The following MON2 variants were observed in gnomAD, a reference collection of about 807,000 sequenced individuals.
The protein encoded by MON2 is protein MON2 homolog.
Under a neutral mutation model 208.6 loss-of-function variants are expected in MON2, and 84 were observed. That is an observed-to-expected ratio of 0.40 (90% confidence interval 0.34 to 0.48). MON2 has a LOEUF of 0.48. MON2 is among the 20% of genes least tolerant of loss of function. MON2 has a pLI of 0.59. For missense variants in MON2, 1,611 were observed against 2,015.4 expected (o/e 0.80, Z 3.84); for synonymous variants, 660 against 694.0 (o/e 0.95, Z 0.77).
rs1295156061 is a variant in MON2, at chr12:62,595,476, C to G, written c.*2727C>G. The G allele has an allele frequency of 6.6e-6, 1 of 152,200 alleles. No individual in the cohort carries two copies. The highest frequency in any genetic ancestry group is 1.5e-5 in the Non-Finnish European group (1 of 68,050). 9.4% of individuals were successfully genotyped at this position (152,200 alleles called of 1,614,324 possible). Reference sequence around the variant, plus strand: ...ATGAGTTTTAAGCCTCACATCGTCACTTGCTGTCACTGCCAGTGCCTGTTT... The same window carrying G: ...ATGAGTTTTAAGCCTCACATCGTCAGTTGCTGTCACTGCCAGTGCCTGTTT... On this transcript the variant is annotated 3_prime_UTR_variant, in exon 35 of 35. Transcript: ENST00000393630.
intron 25 of MON2, among the ~76,000 whole-genome samples, chr12:62,558,178 A>C (rs970894274): frequency 2.0e-5 from 3 of 151,038 alleles, no homozygotes; most frequent in African/African-American, 4.9e-5. Flanking sequence ...GGATTTCTTC[A>C]TGTTGGTCAG....
At chr12:62,557,960 ATATTTTTTTTTTTTTT>A (rs1304320913) in intron 25 of MON2, among the ~76,000 whole-genome samples, 3 of 24,480 alleles carry the variant, frequency 1.2e-4, no homozygotes, top group East Asian at 3.1e-3. Context: ...ATATATATAT[ATATTTTTTTTTTTTTT>A]TTTTTTTTTT....
intron 22 of MON2, 26 bp from the exon 23 acceptor site, chr12:62,549,642 T>C: frequency 6.4e-7 from 1 of 1,560,968 alleles, no homozygotes; most frequent in Non-Finnish European, 8.6e-7. Flanking sequence ...AATAAGTGCA[T>C]CTGTATACAT....
At chr12:62,514,921 A>C (rs972573362) in intron 8 of MON2, among the ~76,000 whole-genome samples, 1 of 152,236 alleles carries the variant, frequency 6.6e-6, no homozygotes, top group Admixed American at 6.5e-5. Flanking sequence ...GCAGAGCAAA[A>C]CTGTAATGAG....
intron 26 of MON2, 67 bp downstream of exon 26, chr12:62,561,180 A>G: frequency 2.3e-6 from 3 of 1,320,682 alleles, no homozygotes; most frequent in African/African-American, 1.5e-5. Context: ...ATTTTGCTAT[A>G]TATTTGCGGG....
chr12:62,497,693 C>T (rs2070600014), intron 4 of MON2, among the ~76,000 whole-genome samples: 1 of 152,078 alleles, frequency 6.6e-6, no homozygotes, highest in South Asian at 2.1e-4. Context: ...TGGCTCACTG[C>T]AACCTTCCAC....
At position 62,571,400 on chromosome 12, in the gene MON2, G is replaced by A. The variant is rs1453764853; in HGVS notation, c.4332G>A (p.Arg1444=). ...KVLQNIIKTL[R]VPLSLKYSCP... Reference sequence around the variant, plus strand: ...ACTGTCTTTATTTTCAGACTCTTAGGGTTCCTCTCAGTTTGAAGTATTCCT... The same window carrying A: ...ACTGTCTTTATTTTCAGACTCTTAGAGTTCCTCTCAGTTTGAAGTATTCCT... Residue 1444 remains arginine, a synonymous_variant, in exon 30 of 35, where the codon AGG becomes AGA. Transcript: ENST00000393630. 6.3e-7 allele frequency: 1 copy of A among 1,599,166 alleles called. No homozygotes were observed. Among genetic ancestry groups the A allele is most frequent in the Non-Finnish European group, 8.5e-7 (1 of 1,170,480 alleles).
chr12:62,550,239 G>A (rs965514549), intron 23 of MON2, among the ~76,000 whole-genome samples: 1 of 152,080 alleles, frequency 6.6e-6, no homozygotes. Context: ...CAAGTACAAG[G>A]CTGTTTCAGG....
Position 62,521,153 on chromosome 12 carries a change from C to T in MON2, c.985-3362C>T, listed in dbSNP as rs111768475. On this transcript the variant is annotated intron_variant, in intron 8 of 34. Coordinates refer to ENST00000393630, the MANE Select transcript of MON2 (RefSeq NM_015026.3). ...CCCAAGTAGCTGGGATTACAGGTGC[C>T]TGCCACTATGCCTGGCTAATTTTAA... 5.9e-5 allele frequency among the ~76,000 whole-genome samples: 9 copies of T among 151,908 alleles called. 1 individual carries two copies. The highest frequency in any genetic ancestry group is 1.7e-4 in the African/African-American group (7 of 41,402).
intron 14 of MON2, 30 bp from the exon 15 acceptor site, chr12:62,537,121 T>C: frequency 7.6e-7 from 1 of 1,309,836 alleles, no homozygotes. Context: ...AAATATATTT[T>C]AATTATTTAG....
chr12:62,468,994 G>T (rs1044953531), intron 1 of MON2, among the ~76,000 whole-genome samples: 1 of 152,062 alleles, frequency 6.6e-6, no homozygotes, highest in Non-Finnish European at 1.5e-5. Context: ...TGTGGCCCAG[G>T]CTGGAGTGCA....
chr12:62,483,078 T>G (rs2069545522), intron 1 of MON2: 1 of 152,132 alleles, frequency 6.6e-6, no homozygotes. Context: ...ACATTTAATT[T>G]TAATAATAAT....
At chr12:62,535,880 G>A (rs1481497825) in intron 14 of MON2, among the ~76,000 whole-genome samples, 171 bp downstream of exon 14, 1 of 110,186 alleles carries the variant, frequency 9.1e-6, no homozygotes, top group Non-Finnish European at 1.8e-5. Flanking sequence ...GGGGTGGGGG[G>A]TGGGCATGGG....
chr12:62,497,796 A>G (rs1020125377), intron 4 of MON2, among the ~76,000 whole-genome samples: 2 of 152,194 alleles, frequency 1.3e-5, no homozygotes, highest in Non-Finnish European at 1.5e-5. Context: ...TTGTATTTTT[A>G]GTAGAGACAG....
intron 16 of MON2, among the ~76,000 whole-genome samples, 193 bp from the exon 17 acceptor site, chr12:62,537,903 G>A (rs912199755): frequency 2.0e-5 from 3 of 152,078 alleles, no homozygotes; most frequent in South Asian, 2.1e-4. Flanking sequence ...AATGGCCTAA[G>A]CTCTGCTGCA....
At chr12:62,508,254 T>A in intron 7 of MON2, 32 bp from the exon 8 acceptor site, 1 of 1,548,656 alleles carries the variant, frequency 6.5e-7, no homozygotes, top group East Asian at 2.3e-5. Flanking sequence ...TAAAGTTAAT[T>A]ATTTTTTTCT....
chr12:62,525,149 C>T lies in MON2; in HGVS notation c.1175C>T (p.Ala392Val), dbSNP rs1218783039. The change falls in exon 10 of 35, where the codon GCA (alanine) becomes GTA (valine). Residue 392 changes from alanine (A) to valine (V), a missense_variant. Transcript: ENST00000393630. ...STKVFRDIVN[A>V]LGSFIQSLFL... Reference sequence around the variant, plus strand: ...AAGGTTTTTCGTGATATTGTAAATGCACTGGGATCTTTTATACAGTCCTTG... The same window carrying T: ...AAGGTTTTTCGTGATATTGTAAATGTACTGGGATCTTTTATACAGTCCTTG... The T allele has an allele frequency of 6.2e-7, 1 of 1,611,556 alleles. No individual in the cohort carries two copies. The highest frequency in any genetic ancestry group is 8.5e-7 in the Non-Finnish European group (1 of 1,177,936).
rs1376012430 is a variant in MON2 at position 62,588,102 on chromosome 12, T to A, written c.4936T>A (p.Leu1646Ile). 6.3e-7 allele frequency: 1 copy of A among 1,581,532 alleles called. No individual in the cohort carries two copies. Among genetic ancestry groups the A allele is most frequent in the Non-Finnish European group, 8.7e-7 (1 of 1,152,540 alleles). The change falls in exon 34 of 35, where the codon TTA becomes ATA. Residue 1646 changes from leucine to isoleucine, a missense_variant. Physicochemically the swap from Leu to Ile is conservative, Grantham distance 5 (BLOSUM62 2). Transcript: ENST00000393630. ...RQQVTEIIFVLKAVSTLIDSL... is the reference protein window; with the variant it reads ...RQQVTEIIFVIKAVSTLIDSL... ...ACAAGTAACAGAAATTATATTTGTT[T>A]TAAAAGCAGTCAGTACTCTTATTGA...
At chr12:62,569,698 A>G (rs1440291943) in intron 29 of MON2, among the ~76,000 whole-genome samples, 1 of 152,166 alleles carries the variant, frequency 6.6e-6, no homozygotes, top group Non-Finnish European at 1.5e-5. Context: ...GATTGGATTC[A>G]TTGGCTTAAT....
Sources: allele counts gnomAD v4.1 joint callset (sites outside exome capture counted in the v4.1 genomes callset), GRCh38; gene constraint gnomAD v4.1.1; transcripts MANE v1.5; gene names NCBI Gene and HGNC (gene_info 2026-07-23, HGNC 2026-07-21).